The following ATP9B variants were observed in gnomAD, a reference collection of about 807,000 sequenced individuals.
The protein encoded by ATP9B is ATPase phospholipid transporting 9B.
A neutral mutation model predicts 146.1 loss-of-function variants in ATP9B; 110 were observed. The observed-to-expected ratio is 0.75, with a 90% CI of 0.65 to 0.88. The LOEUF is 0.88. Among genes scored for constraint, ATP9B ranks in the 40% least tolerant of loss-of-function variants. The probability of loss-of-function intolerance (pLI) is 0.00; values close to 1 mark genes in which losing one functional copy is unlikely to be tolerated. For missense variants in ATP9B, 1,499 were observed against 1,496.4 expected (o/e 1.00, Z -0.03); for synonymous variants, 604 against 569.7 (o/e 1.06, Z -0.86).
chr18:79,241,559 A>G (rs936150592), intron 11 of ATP9B, among the ~76,000 whole-genome samples: 5 of 152,184 alleles, frequency 3.3e-5, no homozygotes, highest in African/African-American at 1.2e-4. Context: ...TCTAACTACA[A>G]GCAGCATTCA....
At chr18:79,287,606 CT>C (rs1555810924) in intron 13 of ATP9B, among the ~76,000 whole-genome samples, 1 of 150,674 alleles carries the variant, frequency 6.6e-6, no homozygotes, top group Non-Finnish European at 1.5e-5. Flanking sequence ...TTTTTTGTGT[CT>C]CTATTTCCTT....
chr18:79,285,863 A>C lies in ATP9B; in HGVS notation c.1411+8667A>C, dbSNP rs535445080. On this transcript the variant is annotated intron_variant, in intron 13 of 29. Coordinates refer to ENST00000426216, the MANE Select transcript of ATP9B (RefSeq NM_198531.5). The stretch of plus-strand genomic sequence containing the variant: ...CTAGCCAGTTTTCCCAGCACCATTT[A>C]TTAAATAGGGAATCCTTTCCCCATT... 2.8e-3 allele frequency among the ~76,000 whole-genome samples: 431 copies of C among 151,920 alleles called. 1 individual carries two copies. The highest frequency in any genetic ancestry group is 9.9e-3 in the African/African-American group (409 of 41,404).
chr18:79,159,406 T>C (rs1356814583), intron 7 of ATP9B, among the ~76,000 whole-genome samples: 1 of 152,142 alleles, frequency 6.6e-6, no homozygotes, highest in Non-Finnish European at 1.5e-5. Context: ...CATACCTGGC[T>C]GTAGAGTTCC....
chr18:79,207,962 T>C (rs962409286), intron 10 of ATP9B, among the ~76,000 whole-genome samples: 1 of 152,128 alleles, frequency 6.6e-6, no homozygotes, highest in African/African-American at 2.4e-5. Context: ...AAGAAGCTTA[T>C]AGGCCGGGCG....
Position 79,176,946 on chromosome 18 carries a change from A to G in ATP9B, c.873+39A>G, listed in dbSNP as rs200155753. On this transcript the variant is annotated intron_variant, in intron 8 of 29. Transcript: ENST00000426216. ...AGACTACTCCATCCTTTTATCTTCA[A>G]TGGTAGTTTCTAGGCTTCACGTATA... The G allele has an allele frequency of 7.8e-5, 120 of 1,546,992 alleles. 1 individual carries two copies. In the East Asian group the frequency reaches 8.6e-4, roughly 11 times the overall value.
At chr18:79,370,851 A>G (rs1568855956) in intron 26 of ATP9B, among the ~76,000 whole-genome samples, 1 of 152,240 alleles carries the variant, frequency 6.6e-6, no homozygotes. Context: ...CATTTCAGCA[A>G]ATCAGGCCAC....
intron 9 of ATP9B, among the ~76,000 whole-genome samples, chr18:79,197,483 A>G (rs1489060853): frequency 6.6e-6 from 1 of 152,098 alleles, no homozygotes; most frequent in Non-Finnish European, 1.5e-5. Context: ...TAGAACCTTA[A>G]AGCCATTCTG....
chr18:79,256,304 A>G (rs1365492200), intron 12 of ATP9B, among the ~76,000 whole-genome samples: 1 of 105,292 alleles, frequency 9.5e-6, no homozygotes, highest in Non-Finnish European at 1.9e-5. Context: ...TAGTGAGGCT[A>G]TGTTATTAGT....
intron 5 of ATP9B, among the ~76,000 whole-genome samples, chr18:79,136,561 A>C (rs886825919): frequency 3.9e-5 from 6 of 152,178 alleles, no homozygotes; most frequent in Non-Finnish European, 8.8e-5. Flanking sequence ...CTCCAGTGTC[A>C]AGGTTTCCAG....
chr18:79,266,327 C>T (rs1351817700), intron 12 of ATP9B, among the ~76,000 whole-genome samples: 1 of 151,872 alleles, frequency 6.6e-6, no homozygotes, highest in South Asian at 2.1e-4. Context: ...GACTATCAAT[C>T]TTGGTAAAAA....
intron 13 of ATP9B, among the ~76,000 whole-genome samples, chr18:79,283,319 A>G (rs1383033691): frequency 2.0e-5 from 3 of 152,190 alleles, no homozygotes; most frequent in Non-Finnish European, 4.4e-5. Flanking sequence ...GGCAGTTTGC[A>G]GATATCTTCC....
intron 2 of ATP9B, among the ~76,000 whole-genome samples, chr18:79,108,950 C>T (rs1245494859): frequency 6.6e-6 from 1 of 152,168 alleles, no homozygotes; most frequent in African/African-American, 2.4e-5. Flanking sequence ...AAAGTGATTT[C>T]TAAAGCAGGA....
intron 11 of ATP9B, among the ~76,000 whole-genome samples, chr18:79,247,404 T>C (rs2095978491): frequency 6.6e-6 from 1 of 152,208 alleles, no homozygotes; most frequent in Non-Finnish European, 1.5e-5. Flanking sequence ...TCCTAGGAAA[T>C]GCTAGAGCCA....
chr18:79,267,067 A>G (rs937171561), intron 12 of ATP9B, among the ~76,000 whole-genome samples: 2 of 152,102 alleles, frequency 1.3e-5, no homozygotes, highest in Admixed American at 1.3e-4. Flanking sequence ...GTGAGCCTCA[A>G]CTTTTTACTG....
At chr18:79,093,182 C>T (rs747294530) in intron 1 of ATP9B, among the ~76,000 whole-genome samples, 4 of 152,116 alleles carry the variant, frequency 2.6e-5, no homozygotes, top group African/African-American at 4.8e-5. Flanking sequence ...CATTATGCAG[C>T]GATTAACTGT....
Position 79,222,038 on chromosome 18 carries a change from C to T in ATP9B, c.1107+8000C>T, listed in dbSNP as rs543751916. Among the ~76,000 whole-genome samples, 9 of 152,198 alleles carry T rather than the reference C, an allele frequency of 5.9e-5. No homozygotes were observed. The East Asian group carries it at 1.2e-3, about 20-fold the overall frequency. ...CCCTGAGTTCAACAGACATTTCCCA[C>T]TTGCCTATCCTGTAGTTACAGGTAC... On this transcript the variant is annotated intron_variant, in intron 11 of 29. Coordinates refer to ENST00000426216, the MANE Select transcript of ATP9B (RefSeq NM_198531.5).
At chr18:79,162,745 A>C (rs924120401) in intron 7 of ATP9B, among the ~76,000 whole-genome samples, 3 of 152,212 alleles carry the variant, frequency 2.0e-5, no homozygotes, top group African/African-American at 7.2e-5. Context: ...TATAAATGCA[A>C]AGTCAATGCC....
intron 4 of ATP9B, among the ~76,000 whole-genome samples, chr18:79,119,266 A>G (rs2094147875): frequency 6.6e-6 from 1 of 152,174 alleles, no homozygotes; most frequent in Admixed American, 6.5e-5. Flanking sequence ...CTTTCTGAAG[A>G]ACTTTATTTG....
chr18:79,243,554 C>T (rs1021461445), intron 11 of ATP9B, among the ~76,000 whole-genome samples: 1 of 152,202 alleles, frequency 6.6e-6, no homozygotes, highest in Non-Finnish European at 1.5e-5. Flanking sequence ...TGACATGTTA[C>T]TTGACAGTGA....
Sources: gnomAD v4.1 joint callset for allele counts (sites outside exome capture counted in the v4.1 genomes callset) on GRCh38, gnomAD v4.1.1 for gene constraint, MANE v1.5 for transcripts, NCBI Gene and HGNC (gene_info 2026-07-23, HGNC 2026-07-21) for gene names.